DNAH11: variants seen among roughly 807,000 people sequenced by gnomAD.
DNAH11 encodes the protein axonemal beta dynein heavy chain 11.
Under a neutral mutation model 526.0 loss-of-function variants are expected in DNAH11, and 442 were observed. That is an observed-to-expected ratio of 0.84 (90% CI 0.78 to 0.91). DNAH11 has a LOEUF of 0.91. DNAH11 is among the 40% of genes least tolerant of loss of function. DNAH11 has a pLI of 0.00. For missense variants in DNAH11, 6,989 were observed against 5,448.7 expected, an observed-to-expected ratio of 1.28 and a Z score of -8.90; for synonymous variants, 2,461 against 1,935.9, an observed-to-expected ratio of 1.27 and a Z score of -7.12.
At chr7:21,785,770 T>C (rs541834705) in intron 58 of DNAH11, among the ~76,000 whole-genome samples, 1 of 152,230 alleles carries the variant, frequency 6.6e-6, no homozygotes, top group African/African-American at 2.4e-5. Flanking sequence ...GACTTTGTTT[T>C]TGTTCTTGCT....
chr7:21,812,515 ATTTT>A (rs200226198), intron 63 of DNAH11, among the ~76,000 whole-genome samples: 26 of 151,288 alleles, frequency 1.7e-4, no homozygotes, highest in East Asian at 5.9e-4. Context: ...TGAAAAAAAA[ATTTT>A]TTTTAAACCC....
chr7:21,724,879 G>C, intron 44 of DNAH11, among the ~76,000 whole-genome samples: 1 of 146,242 alleles, frequency 6.8e-6, no homozygotes, highest in East Asian at 2.1e-4. Flanking sequence ...GGATATAGGA[G>C]TCTCTGGGCC....
At chr7:21,785,072 A>G (rs1788115236) in intron 58 of DNAH11, among the ~76,000 whole-genome samples, 1 of 152,164 alleles carries the variant, frequency 6.6e-6, no homozygotes, top group African/African-American at 2.4e-5. Flanking sequence ...GTTCATCACT[A>G]GCATATTGTT....
rs763740766 is a variant in DNAH11 at position 21,681,764 on chromosome 7, T to G, written c.5460+87T>G. ...CAGAGTAGTTCCAAGAAAGTCGTTG[T>G]TTTTTTGAAAGTTTGTATGTTTTAA... On this transcript the variant is annotated intron_variant, in intron 31 of 81. Coordinates refer to ENST00000409508, the MANE Select transcript of DNAH11 (RefSeq NM_001277115.2). 46 of 1,536,828 alleles carry G rather than the reference T, an allele frequency of 3.0e-5. No homozygotes were observed. The South Asian group carries it at 4.9e-4, about 16-fold the overall frequency.
chr7:21,690,609 C>T (rs1204769669), intron 34 of DNAH11, among the ~76,000 whole-genome samples, 156 bp from the exon 35 acceptor site: 1 of 152,082 alleles, frequency 6.6e-6, no homozygotes, highest in Non-Finnish European at 1.5e-5. Flanking sequence ...TGCTTCAAAA[C>T]ATATTCAAAA....
intron 31 of DNAH11, among the ~76,000 whole-genome samples, chr7:21,681,893 CA>C (rs1352628591): frequency 6.6e-6 from 1 of 152,054 alleles, no homozygotes; most frequent in East Asian, 1.9e-4. Context: ...AAGGTTTTGC[CA>C]AGTTAGGAAC....
At chr7:21,675,322 A>G (rs901393651) in intron 30 of DNAH11, among the ~76,000 whole-genome samples, 1 of 152,126 alleles carries the variant, frequency 6.6e-6, no homozygotes, top group Non-Finnish European at 1.5e-5. Flanking sequence ...GAGCCACCCG[A>G]TCCATTCAGG....
intron 68 of DNAH11, among the ~76,000 whole-genome samples, chr7:21,855,023 C>T (rs1562586069): frequency 7.0e-6 from 1 of 142,100 alleles, no homozygotes; most frequent in Non-Finnish European, 1.5e-5. Flanking sequence ...CCTGAGCAGT[C>T]TCTTAATTTT....
At chr7:21,864,479 G>T (rs928620651) in intron 69 of DNAH11, 56 bp from the exon 70 acceptor site, 31 of 1,575,120 alleles carry the variant, frequency 2.0e-5, no homozygotes, top group Non-Finnish European at 2.6e-5. Context: ...ACTACTTCCT[G>T]TGTGACGATT....
intron 25 of DNAH11, among the ~76,000 whole-genome samples, chr7:21,629,448 G>A (rs908008985): frequency 2.0e-5 from 3 of 152,026 alleles, no homozygotes; most frequent in African/African-American, 7.2e-5. Context: ...TAAGTCTGAT[G>A]TTTCTTTGTT....
intron 61 of DNAH11, among the ~76,000 whole-genome samples, chr7:21,793,807 C>A (rs1467774162): frequency 1.3e-5 from 2 of 152,102 alleles, no homozygotes; most frequent in African/African-American, 4.8e-5. Flanking sequence ...TCAGTCTATC[C>A]ACTTAGATCT....
At chr7:21,544,437 T>G in intron 1 of DNAH11, among the ~76,000 whole-genome samples, 1 of 152,282 alleles carries the variant, frequency 6.6e-6, no homozygotes, top group East Asian at 1.9e-4. Flanking sequence ...TAATTGTAAC[T>G]TTAAAAAAAA....
Position 21,690,798 on chromosome 7 carries a change from G to T in DNAH11, c.5958G>T (p.Lys1986Asn). The change falls in exon 35 of 82, where the codon AAG becomes AAT. Residue 1986 changes from lysine (K) to asparagine (N), a missense_variant. Physicochemically the swap from Lys to Asn is moderately conservative, Grantham distance 94 (BLOSUM62 0). Transcript: ENST00000409508. ...FVFLGEAITL[K>N]PSVGIFITMN... ...TTCTTGGGGAAGCTATCACACTGAA[G>T]CCATCAGTTGGAATATTTATTACTA... is the stretch of plus-strand genomic sequence containing the variant. 6.2e-7 allele frequency: 1 copy of T among 1,610,648 alleles called. No individual in the cohort carries two copies. The highest frequency in any genetic ancestry group is 1.3e-5 in the African/African-American group (1 of 74,850).
At chr7:21,724,551 C>G (rs1207394189) in intron 44 of DNAH11, among the ~76,000 whole-genome samples, 1 of 150,418 alleles carries the variant, frequency 6.6e-6, no homozygotes, top group Non-Finnish European at 1.5e-5. Flanking sequence ...ATCAAACTCA[C>G]TATTTTAGGT....
In DNAH11 at chr7:21,773,818, T is replaced by C. The variant is rs978263666; in HGVS notation, c.9155T>C (p.Val3052Ala). 1.2e-6 allele frequency: 2 copies of C among 1,608,580 alleles called. No individual in the cohort carries two copies. The highest frequency in any genetic ancestry group is 2.2e-5 in the South Asian group (2 of 89,396). ...SLFMAHVHTT[V>A]NEMSTRYYQN... ...TTCATGGCACATGTTCACACCACTG[T>C]AAATGAAATGAGTACCAGATATTAC... The change falls in exon 56 of 82, where the codon GTA (valine) becomes GCA (alanine). Residue 3052 changes from valine (V) to alanine (A), a missense_variant. Physicochemically the swap from Val to Ala is moderately conservative, Grantham distance 64. Coordinates refer to ENST00000409508, the MANE Select transcript of DNAH11 (RefSeq NM_001277115.2).
chr7:21,675,944 C>T (rs1317828704), intron 30 of DNAH11, among the ~76,000 whole-genome samples: 1 of 152,034 alleles, frequency 6.6e-6, no homozygotes, highest in Non-Finnish European at 1.5e-5. Flanking sequence ...ATTTGAAGTA[C>T]AGCTTTGAAT....
intron 75 of DNAH11, among the ~76,000 whole-genome samples, chr7:21,881,828 C>T (rs1034122289): frequency 5.9e-5 from 9 of 152,176 alleles, no homozygotes; most frequent in African/African-American, 2.2e-4. Context: ...TGGTACCTAA[C>T]AGGCATATTT....
chr7:21,563,188 AT>A (rs936648762), intron 5 of DNAH11, among the ~76,000 whole-genome samples: 32 of 151,964 alleles, frequency 2.1e-4, no homozygotes, highest in African/African-American at 6.8e-4. Context: ...TATCTATAGC[AT>A]TTTTTTGTTT....
intron 2 of DNAH11, among the ~76,000 whole-genome samples, chr7:21,556,879 T>A (rs1408266909): frequency 6.6e-6 from 1 of 152,044 alleles, no homozygotes; most frequent in East Asian, 1.9e-4. Flanking sequence ...CTGACCAACA[T>A]TGCAAAATCT....
Sources: gnomAD v4.1 joint callset for allele counts (sites outside exome capture counted in the v4.1 genomes callset) on GRCh38, gnomAD v4.1.1 for gene constraint, MANE v1.5 for transcripts, NCBI Gene and HGNC (gene_info 2026-07-23, HGNC 2026-07-21) for gene names.